Variants in STAB1 observed in about 807,000 individuals in gnomAD.
STAB1 encodes stabilin 1, also known as stabilin-1.
STAB1 carries 250 observed loss-of-function variants against 332.4 expected under a neutral mutation model. That is an observed-to-expected ratio of 0.75 (90% CI 0.68 to 0.84). The LOEUF is 0.84. Among genes scored for constraint, STAB1 ranks in the 40% least tolerant of loss-of-function variants. The pLI, the probability that STAB1 is intolerant of heterozygous loss-of-function variation, is 0.00. For synonymous variants in STAB1, 1,475 were observed against 1,390.4 expected, an observed-to-expected ratio of 1.06 and a Z score of -1.35; for missense variants, 3,249 against 3,489.7, an observed-to-expected ratio of 0.93 and a Z score of 1.74.
chr3:52,501,378 C>A, intron 2 of STAB1, 76 bp downstream of exon 2: 1 of 1,571,224 alleles, frequency 6.4e-7, no homozygotes, highest in South Asian at 1.1e-5. Flanking sequence ...GCCTGACAGG[C>A]CCACAAAATG....
rs780871456 is a variant in STAB1, at chr3:52,519,392, T to C, written c.5163T>C (p.Ala1721=). Residue 1721 remains alanine, a synonymous_variant, in exon 49 of 69, where the codon GCT becomes GCC. Coordinates refer to ENST00000321725, the MANE Select transcript of STAB1 (RefSeq NM_015136.3). ...PEALHWEPDD[A]PIPRRNVTAA... ...CGCTGCACTGGGAGCCTGATGATGC[T>C]CCCATCCCGAGGGTATGACAAGCAC... is the stretch of plus-strand genomic sequence containing the variant. 4 of 1,612,976 alleles carry C rather than the reference T, an allele frequency of 2.5e-6. No homozygotes were observed. Among genetic ancestry groups the C allele is most frequent in the Non-Finnish European group, 3.4e-6 (4 of 1,179,954 alleles).
rs539935377 is a variant in STAB1 at position 52,519,309 on chromosome 3, C to G, written c.5080C>G (p.His1694Asp). The G allele has an allele frequency of 6.2e-7, 1 of 1,613,098 alleles. No individual in the cohort carries two copies. Among genetic ancestry groups the G allele is most frequent in the Non-Finnish European group, 8.5e-7 (1 of 1,179,992 alleles). The change falls in exon 49 of 69, where the codon CAT (histidine) becomes GAT (aspartate). Residue 1694 changes from histidine to aspartate, a missense_variant. His to Asp is a moderately conservative substitution (Grantham distance 81). Coordinates refer to ENST00000321725, the MANE Select transcript of STAB1 (RefSeq NM_015136.3). Reference sequence around the variant, plus strand: ...CTTCGCGCGCGTGGTGAGCAGCGACCATGAGGCCGTGAACGGCATCCTGCA... The same window carrying G: ...CTTCGCGCGCGTGGTGAGCAGCGACGATGAGGCCGTGAACGGCATCCTGCA... ...NDFARVVSSDHEAVNGILHFI... is the reference protein window; with the variant it reads ...NDFARVVSSDDEAVNGILHFI...
At chr3:52,506,567 C>T (rs534940831) in intron 17 of STAB1, 125 bp from the exon 18 acceptor site, 291 of 1,093,822 alleles carry the variant, frequency 2.7e-4, no homozygotes, top group Admixed American at 5.2e-4. Context: ...GTATGGCCAG[C>T]GGGGCCTTCA....
rs762362511 is a variant in STAB1 at position 52,519,520 on chromosome 3, G to A, written c.5191G>A (p.Ala1731Thr). The A allele has an allele frequency of 3.0e-5, 48 of 1,613,274 alleles. 1 individual carries two copies. The highest frequency in any genetic ancestry group is 3.7e-5 in the Non-Finnish European group (44 of 1,179,996). ...CTTTCCTCAGAGAAATGTCACCGCC[G>A]CCGCCCAGGGCTTCGGTTACAAGAT... ...APIPRRNVTAAAQGFGYKIFS... is the reference protein window; with the variant it reads ...APIPRRNVTATAQGFGYKIFS... The change falls in exon 50 of 69, where the codon GCC becomes ACC. Residue 1731 changes from alanine to threonine, a missense_variant. Transcript: ENST00000321725.
intron 35 of STAB1, 78 bp downstream of exon 35, chr3:52,514,907 G>C (rs903677551): frequency 1.9e-6 from 3 of 1,612,302 alleles, no homozygotes; most frequent in Non-Finnish European, 2.5e-6. Flanking sequence ...CTAGTGGGGA[G>C]GGGCGCATGG....
intron 8 of STAB1, 73 bp from the exon 9 acceptor site, chr3:52,503,699 C>T (rs1708622664): frequency 6.3e-7 from 1 of 1,599,152 alleles, no homozygotes; most frequent in Non-Finnish European, 8.5e-7. Flanking sequence ...GAGCAGGGCT[C>T]TATGGGTAGG....
intron 1 of STAB1, among the ~76,000 whole-genome samples, chr3:52,496,298 G>A (rs1708019503): frequency 6.6e-6 from 1 of 152,224 alleles, no homozygotes; most frequent in African/African-American, 2.4e-5. Flanking sequence ...GCTTCTGGAA[G>A]AGCCTCCCAC....
intron 1 of STAB1, among the ~76,000 whole-genome samples, chr3:52,499,915 A>AAAG (rs1708321350): frequency 6.9e-6 from 1 of 145,706 alleles, no homozygotes; most frequent in African/African-American, 2.6e-5. Flanking sequence ...AAAAAAAAAA[A>AAAG]AAAAAAAACT....
At chr3:52,510,840 G>T (rs1709248718) in intron 25 of STAB1, among the ~76,000 whole-genome samples, 1 of 152,256 alleles carries the variant, frequency 6.6e-6, no homozygotes, top group Admixed American at 6.5e-5. Flanking sequence ...CCGGAGCTTT[G>T]CAGTGTCTGA....
Position 52,522,421 on chromosome 3 carries a change from G to A in STAB1, c.6557G>A (p.Gly2186Asp), listed in dbSNP as rs753386207. The A allele has an allele frequency of 9.3e-6, 15 of 1,612,960 alleles. No individual in the cohort carries two copies. The highest frequency in any genetic ancestry group is 1.2e-5 in the Non-Finnish European group (14 of 1,180,012). The change falls in exon 60 of 69, where the codon GGC becomes GAC. Residue 2186 changes from glycine (G) to aspartate (D), a missense_variant. Gly to Asp is a moderately conservative substitution (Grantham distance 94). Coordinates refer to ENST00000321725, the MANE Select transcript of STAB1 (RefSeq NM_015136.3). ...ESEPPVDRCLGQPPPCHSDAM... is the reference protein window; with the variant it reads ...ESEPPVDRCLDQPPPCHSDAM... Reference sequence around the variant, plus strand: ...GAACCACCTGTGGACCGCTGCTTGGGCCAGCCACCGCCCTGCCACTCAGAT... The same window carrying A: ...GAACCACCTGTGGACCGCTGCTTGGACCAGCCACCGCCCTGCCACTCAGAT...
chr3:52,516,935 C>T, intron 41 of STAB1, 49 bp from the exon 42 acceptor site: 2 of 1,607,716 alleles, frequency 1.2e-6, no homozygotes, highest in Non-Finnish European at 1.7e-6. Context: ...CCTGTCCTGC[C>T]TCCGGCCCCG....
rs140391958 is a variant in STAB1, at chr3:52,514,173, C to T, written c.3506C>T (p.Thr1169Ile). 1.2e-6 allele frequency: 2 copies of T among 1,613,420 alleles called. No homozygotes were observed. The highest frequency in any genetic ancestry group is 3.3e-5 in the Admixed American group (2 of 60,026). ...ACTGCCTACACCATCTTTGTGCCCA[C>T]CAACCGCTCCCTGGAGGCCCAGGGC... The part of the protein sequence containing the change: ...AATAYTIFVP[T>I]NRSLEAQGNS... The change falls in exon 33 of 69, where the codon ACC becomes ATC. Residue 1169 changes from threonine (T) to isoleucine (I), a missense_variant. Physicochemically the swap from Thr to Ile is moderately conservative, Grantham distance 89 (BLOSUM62 -1). Coordinates refer to ENST00000321725, the MANE Select transcript of STAB1 (RefSeq NM_015136.3).
chr3:52,517,343 C>A lies in STAB1; in HGVS notation c.4513C>A (p.His1505Asn). The change falls in exon 43 of 69, where the codon CAC (histidine) becomes AAC (asparagine). Residue 1505 changes from histidine (H) to asparagine (N), a missense_variant. Transcript: ENST00000321725. Reference protein sequence around the residue: ...CQEINSCLIHHGGCHIHAECI... With the variant: ...CQEINSCLIHNGGCHIHAECI... ...AGAAATTAACAGCTGTCTCATCCAC[C>A]ACGGGGGCTGCCACATTCACGCCGA... The A allele has an allele frequency of 1.2e-6, 2 of 1,600,408 alleles. No homozygotes were observed. Among genetic ancestry groups the A allele is most frequent in the Non-Finnish European group, 1.7e-6 (2 of 1,174,402 alleles).
At chr3:52,501,827 C>A in intron 3 of STAB1, 74 bp downstream of exon 3, 1 of 1,426,206 alleles carries the variant, frequency 7.0e-7, no homozygotes, top group Non-Finnish European at 9.7e-7. Context: ...CTGCAGGAGC[C>A]ACCTGCATTC....
intron 36 of STAB1, 43 bp from the exon 37 acceptor site, chr3:52,515,380 C>T: frequency 1.3e-6 from 2 of 1,596,588 alleles, no homozygotes; most frequent in Non-Finnish European, 1.7e-6. Flanking sequence ...CCTGCCCCTG[C>T]CCAAGCCACT....
intron 1 of STAB1, among the ~76,000 whole-genome samples, chr3:52,496,675 T>A (rs1241237065): frequency 6.6e-6 from 1 of 152,198 alleles, no homozygotes; most frequent in East Asian, 1.9e-4. Flanking sequence ...TTAACTCAGT[T>A]TCCCCCTGTG....
At chr3:52,508,463 C>T (rs1165868429) in intron 21 of STAB1, 104 bp downstream of exon 21, 2 of 1,059,948 alleles carry the variant, frequency 1.9e-6, no homozygotes, top group South Asian at 1.3e-5. Context: ...GCCACTCTGG[C>T]CTTGGGATTC....
chr3:52,510,687 A>G (rs576134702), intron 25 of STAB1, among the ~76,000 whole-genome samples, 180 bp downstream of exon 25: 77 of 152,298 alleles, frequency 5.1e-4, no homozygotes, highest in African/African-American at 1.8e-3. Flanking sequence ...CCATTGGCTC[A>G]TTGCTTTCCC....
chr3:52,510,912 C>T (rs1488533326), intron 25 of STAB1, among the ~76,000 whole-genome samples: 12 of 152,208 alleles, frequency 7.9e-5, no homozygotes, highest in Non-Finnish European at 1.8e-4. Context: ...GACTGGTGAA[C>T]CAGTGTTTGG....
Sources: gnomAD v4.1 joint callset for allele counts (sites outside exome capture counted in the v4.1 genomes callset) on GRCh38, gnomAD v4.1.1 for gene constraint, MANE v1.5 for transcripts, NCBI Gene and HGNC (gene_info 2026-07-23, HGNC 2026-07-21) for gene names.